NRG1: variants seen among roughly 807,000 people sequenced by gnomAD.
NRG1 encodes neuregulin 1.
NRG1 carries 18 observed loss-of-function variants against 63.8 expected under a neutral mutation model. The observed-to-expected ratio is 0.28, with a 90% CI of 0.19 to 0.42. The LOEUF is 0.42. Ranked by LOEUF, NRG1 falls within the 10% of genes least tolerant of loss-of-function variation. The probability of loss-of-function intolerance (pLI) is 1.00; values close to 1 mark genes in which losing one functional copy is unlikely to be tolerated. For missense variants in NRG1, 762 were observed against 814.7 expected (o/e 0.94, Z 0.79); for synonymous variants, 302 against 301.3 (o/e 1.00, Z -0.02).
At chr8:31,647,569 T>C (rs574898093) in intron 1 of NRG1, among the ~76,000 whole-genome samples, 3 of 152,336 alleles carry the variant, frequency 2.0e-5, no homozygotes, top group Admixed American at 6.5e-5. Flanking sequence ...TTGCTTCACA[T>C]AGAATTTCTC....
intron 5 of NRG1, among the ~76,000 whole-genome samples, chr8:32,724,982 G>A (rs984513811): frequency 8.5e-5 from 13 of 152,174 alleles, no homozygotes; most frequent in Non-Finnish European, 1.8e-4. Context: ...TATTTTTAAG[G>A]CCTTTTAAAA....
intron 5 of NRG1, among the ~76,000 whole-genome samples, chr8:32,643,195 C>T (rs370615644): frequency 1.3e-4 from 20 of 152,308 alleles, no homozygotes; most frequent in African/African-American, 3.8e-4. Flanking sequence ...CTTCCTTATC[C>T]TCTGTGGCAG....
intron 1 of NRG1, among the ~76,000 whole-genome samples, chr8:31,999,429 A>G (rs1812564693): frequency 6.6e-6 from 1 of 152,024 alleles, no homozygotes; most frequent in South Asian, 2.1e-4. Flanking sequence ...GTAGATGTAT[A>G]TATTTTGACA....
intron 1 of NRG1, among the ~76,000 whole-genome samples, chr8:32,153,719 C>T (rs2131845222): frequency 6.6e-6 from 1 of 152,272 alleles, no homozygotes; most frequent in South Asian, 2.1e-4. Context: ...TTCCTGGTAT[C>T]TCAGAGGGTG....
chr8:31,753,855 T>G (rs1015733586), intron 1 of NRG1, among the ~76,000 whole-genome samples: 1 of 152,094 alleles, frequency 6.6e-6, no homozygotes, highest in African/African-American at 2.4e-5. Context: ...TTGTTATTCT[T>G]TGGATCTAAG....
intron 1 of NRG1, among the ~76,000 whole-genome samples, chr8:31,893,207 T>C (rs1159625666): frequency 6.6e-6 from 1 of 150,484 alleles, no homozygotes; most frequent in Admixed American, 6.6e-5. Flanking sequence ...GGGAGGAAAG[T>C]ACCATTAAAT....
chr8:32,765,775 C>T (rs1046211689), exon 12 of NRG1: 1 of 152,198 alleles, frequency 6.6e-6, no homozygotes, highest in African/African-American at 2.4e-5. Flanking sequence ...GGCTCTCTCA[C>T]CCATTTCCCC....
intron 1 of NRG1, among the ~76,000 whole-genome samples, chr8:32,048,300 T>G (rs1243767662): frequency 1.3e-5 from 2 of 150,568 alleles, no homozygotes; most frequent in African/African-American, 4.9e-5. Flanking sequence ...TACATATATA[T>G]TCATACATAT....
At position 31,903,493 on chromosome 8, in the gene NRG1, G is replaced by T. The variant is rs968393669; in HGVS notation, c.37+264062G>T. Among the ~76,000 whole-genome samples the T allele has an allele frequency of 4.6e-5, 7 of 151,924 alleles. No individual in the cohort carries two copies. In the South Asian group the frequency reaches 6.2e-4, roughly 14 times the overall value. On this transcript the variant is annotated intron_variant, in intron 1 of 10. Coordinates refer to the NRG1 transcript ENST00000519301. ...TCCATGAGAGGCCCTAAACATCATG[G>T]CAAAGAGTCTAACCATCTCCATTGT...
chr8:32,429,067 C>G (rs1225304707), intron 1 of NRG1, among the ~76,000 whole-genome samples: 2 of 151,968 alleles, frequency 1.3e-5, no homozygotes, highest in Non-Finnish European at 2.9e-5. Flanking sequence ...TAGCCTTATG[C>G]AAGCCAACAT....
At chr8:31,667,938 A>G (rs923623150) in intron 1 of NRG1, among the ~76,000 whole-genome samples, 1 of 152,178 alleles carries the variant, frequency 6.6e-6, no homozygotes, top group Non-Finnish European at 1.5e-5. Context: ...ATCTGTGTCT[A>G]TTTCTGGGAT....
intron 1 of NRG1, among the ~76,000 whole-genome samples, chr8:32,045,452 A>T (rs546631079): frequency 6.6e-6 from 1 of 152,094 alleles, no homozygotes; most frequent in East Asian, 1.9e-4. Flanking sequence ...ATCACAGTAG[A>T]ATATTTTGTA....
chr8:32,638,358 G>A (rs536246654), intron 5 of NRG1, among the ~76,000 whole-genome samples: 250 of 152,214 alleles, frequency 1.6e-3, no homozygotes, highest in Non-Finnish European at 2.8e-3. Flanking sequence ...GCCTGTTGCA[G>A]CTCCAACATT....
chr8:32,348,941 A>T (rs10503912), intron 1 of NRG1, among the ~76,000 whole-genome samples: 1 of 152,050 alleles, frequency 6.6e-6, no homozygotes, highest in Non-Finnish European at 1.5e-5. Flanking sequence ...TCCAAACATT[A>T]TGCAACTTTA....
At chr8:32,615,543 A>G (rs1329040573) in intron 4 of NRG1, among the ~76,000 whole-genome samples, 2 of 152,164 alleles carry the variant, frequency 1.3e-5, no homozygotes, top group East Asian at 1.9e-4. Flanking sequence ...TTCAAGTTCG[A>G]TATTCTTTTT....
chr8:32,249,251 T>G (rs1848865730), intron 1 of NRG1, among the ~76,000 whole-genome samples: 1 of 152,214 alleles, frequency 6.6e-6, no homozygotes, highest in East Asian at 1.9e-4. Flanking sequence ...TGTAGGTGCA[T>G]GCCACCGTAT....
chr8:32,030,856 T>G (rs1484555480), intron 1 of NRG1, among the ~76,000 whole-genome samples: 20 of 152,096 alleles, frequency 1.3e-4, no homozygotes, highest in Admixed American at 1.3e-3. Flanking sequence ...AAAAACAAAA[T>G]TCTAGTCAGG....
chr8:32,614,522 A>G (rs1239947480), exon 4 of NRG1: 3 of 1,611,568 alleles, frequency 1.9e-6, no homozygotes, highest in Non-Finnish European at 2.5e-6. Flanking sequence ...AGAGATCATC[A>G]CTGGTATGCC....
chr8:32,412,423 CATATATATATA>C (rs1815130994), intron 1 of NRG1, among the ~76,000 whole-genome samples: 5 of 93,020 alleles, frequency 5.4e-5, no homozygotes, highest in Non-Finnish European at 1.1e-4. Context: ...TCTCTCTCTA[CATATATATATA>C]TATATATATA....
Sources: allele counts gnomAD v4.1 joint callset (sites outside exome capture counted in the v4.1 genomes callset), GRCh38; gene constraint gnomAD v4.1.1; transcripts MANE v1.5; gene names NCBI Gene and HGNC (gene_info 2026-07-23, HGNC 2026-07-21).